The following KHDRBS2 variants were observed in gnomAD, a reference collection of about 807,000 sequenced individuals.
KHDRBS2 encodes KH RNA binding domain containing, signal transduction associated 2.
Under a neutral mutation model 44.3 loss-of-function variants are expected in KHDRBS2, and 26 were observed. The observed-to-expected ratio is 0.59, with a 90% CI of 0.43 to 0.81. The LOEUF is 0.81. Among genes scored for constraint, KHDRBS2 ranks in the 40% least tolerant of loss-of-function variants. The pLI is 0.00. For missense variants in KHDRBS2, 476 were observed against 433.1 expected (o/e 1.10, Z -0.88); for synonymous variants, 194 against 151.1 (o/e 1.28, Z -2.08).
At chr6:62,172,266 C>A (rs1820162741) in intron 2 of KHDRBS2, among the ~76,000 whole-genome samples, 1 of 151,532 alleles carries the variant, frequency 6.6e-6, no homozygotes, top group Non-Finnish European at 1.5e-5. Flanking sequence ...ACAAACAAAC[C>A]AAAAATCAGG....
the KHDRBS2 span, among the ~76,000 whole-genome samples, chr6:61,563,954 G>C: frequency 6.6e-6 from 1 of 152,080 alleles, no homozygotes; most frequent in East Asian, 1.9e-4. Context: ...GTCCGCTTAT[G>C]ACCTTGGACA....
intron 6 of KHDRBS2, among the ~76,000 whole-genome samples, chr6:61,774,062 T>C (rs572148433): frequency 3.5e-4 from 53 of 152,326 alleles, no homozygotes; most frequent in Admixed American, 2.1e-3. Context: ...TAGTATAGTT[T>C]GAAGTCAGGT....
rs149497246 is a variant in KHDRBS2 at position 61,981,381 on chromosome 6, T to C, written c.337-3169A>G. ...GAAAACATTCTGTGTCTTATCAGAA[T>C]AATTTCCTACGCTTTATGTTAACAT... On this transcript the variant is annotated intron_variant, in intron 3 of 8. Transcript: ENST00000281156. 9.0e-4 allele frequency among the ~76,000 whole-genome samples: 137 copies of C among 152,258 alleles called. 1 individual carries two copies. The East Asian group carries it at 0.025, about 28-fold the overall frequency.
intron 3 of KHDRBS2, among the ~76,000 whole-genome samples, chr6:62,008,302 C>T (rs1458687607): frequency 6.6e-6 from 1 of 151,988 alleles, no homozygotes; most frequent in Non-Finnish European, 1.5e-5. Flanking sequence ...ACAAAAGACT[C>T]TTTTTTCCTA....
chr6:61,726,839 A>G (rs1773653234), intron 7 of KHDRBS2, among the ~76,000 whole-genome samples: 1 of 152,162 alleles, frequency 6.6e-6, no homozygotes, highest in African/African-American at 2.4e-5. Context: ...GAAAATGACC[A>G]CAGTGCCCAA....
chr6:62,138,379 T>C (rs183319931), intron 2 of KHDRBS2, among the ~76,000 whole-genome samples: 35 of 152,306 alleles, frequency 2.3e-4, no homozygotes, highest in Admixed American at 5.9e-4. Flanking sequence ...TTAAGAGCCA[T>C]TGGTGTTTTA....
intron 6 of KHDRBS2, among the ~76,000 whole-genome samples, chr6:61,764,635 C>T (rs548651740): frequency 6.6e-5 from 10 of 152,042 alleles, no homozygotes; most frequent in South Asian, 2.1e-4. Context: ...TCAGTGATAT[C>T]GAGCTTTTTT....
chr6:61,981,412 A>G (rs555093777), intron 3 of KHDRBS2, among the ~76,000 whole-genome samples: 3 of 151,802 alleles, frequency 2.0e-5, no homozygotes, highest in South Asian at 4.2e-4. Flanking sequence ...AACATTTATC[A>G]CATCTTTAAT....
downstream of KHDRBS2, among the ~76,000 whole-genome samples, chr6:61,676,609 G>A (rs1313526672): frequency 6.6e-6 from 1 of 151,838 alleles, no homozygotes; most frequent in African/African-American, 2.4e-5. Flanking sequence ...AATTGTGTGT[G>A]CAGTTTTCTC....
At chr6:61,916,293 CAA>C (rs1200035741) in intron 4 of KHDRBS2, among the ~76,000 whole-genome samples, 1 of 151,996 alleles carries the variant, frequency 6.6e-6, no homozygotes. Flanking sequence ...ATTCTATTCT[CAA>C]AAAACTACTC....
chr6:61,682,594 G>A (rs1436336565), intron 8 of KHDRBS2, among the ~76,000 whole-genome samples: 1 of 151,758 alleles, frequency 6.6e-6, no homozygotes, highest in Non-Finnish European at 1.5e-5. Context: ...ACGATACAAA[G>A]GAAAAGTTCA....
At chr6:61,615,126 G>A in the KHDRBS2 span, among the ~76,000 whole-genome samples, 36 of 149,440 alleles carry the variant, frequency 2.4e-4, no homozygotes, top group African/African-American at 8.4e-4. Flanking sequence ...CCAGCTACTC[G>A]GGAGGCTGAG....
chr6:62,055,875 G>C (rs374991631), intron 2 of KHDRBS2, among the ~76,000 whole-genome samples: 1 of 151,982 alleles, frequency 6.6e-6, no homozygotes, highest in Non-Finnish European at 1.5e-5. Context: ...TTCTATGTGA[G>C]TGCTCACTCC....
chr6:61,747,161 T>C (rs1158677935), intron 6 of KHDRBS2, among the ~76,000 whole-genome samples: 1 of 152,158 alleles, frequency 6.6e-6, no homozygotes, highest in Non-Finnish European at 1.5e-5. Flanking sequence ...GTGTTTTATA[T>C]TGCTATTTTA....
chr6:61,894,278 A>G (rs1366071725), intron 6 of KHDRBS2, among the ~76,000 whole-genome samples: 1 of 152,176 alleles, frequency 6.6e-6, no homozygotes, highest in Admixed American at 6.5e-5. Context: ...TATTTGTTAA[A>G]TATTTCTGAG....
the KHDRBS2 span, among the ~76,000 whole-genome samples, chr6:61,594,674 A>T: frequency 6.6e-6 from 1 of 152,142 alleles, no homozygotes; most frequent in East Asian, 1.9e-4. Flanking sequence ...TGCAAAGAAG[A>T]GTCAACATTA....
intron 4 of KHDRBS2, among the ~76,000 whole-genome samples, chr6:61,951,187 C>T (rs1332800181): frequency 2.0e-5 from 3 of 151,936 alleles, no homozygotes; most frequent in African/African-American, 4.8e-5. Context: ...GTATAAGGTG[C>T]AGATTTGTCA....
At chr6:62,142,398 C>T (rs1256223855) in intron 2 of KHDRBS2, among the ~76,000 whole-genome samples, 12 of 152,004 alleles carry the variant, frequency 7.9e-5, no homozygotes, top group Non-Finnish European at 4.4e-5. Context: ...TTCCATCTCT[C>T]GGATAAATTT....
intron 2 of KHDRBS2, among the ~76,000 whole-genome samples, chr6:62,116,201 A>T (rs1806182127): frequency 6.6e-6 from 1 of 152,152 alleles, no homozygotes; most frequent in African/African-American, 2.4e-5. Flanking sequence ...TTTTGTGGTA[A>T]GAACATTTGA....
Sources: gnomAD v4.1 joint callset for allele counts (sites outside exome capture counted in the v4.1 genomes callset) on GRCh38, gnomAD v4.1.1 for gene constraint, MANE v1.5 for transcripts, NCBI Gene and HGNC (gene_info 2026-07-23, HGNC 2026-07-21) for gene names.